Variants in DCLK1 observed in about 807,000 individuals in gnomAD.
DCLK1 encodes serine/threonine-protein kinase DCLK1.
Under a neutral mutation model 86.2 loss-of-function variants are expected in DCLK1, and 16 were observed. The observed-to-expected ratio is 0.19, with a 90% CI of 0.13 to 0.28. The LOEUF (loss-of-function observed/expected upper bound fraction) is 0.28, where lower values mean the gene tolerates loss of function less well. Among genes scored for constraint, DCLK1 ranks in the 10% least tolerant of loss-of-function variants. The probability of loss-of-function intolerance (pLI) is 1.00; values close to 1 mark genes in which losing one functional copy is unlikely to be tolerated. For missense variants in DCLK1, 590 were observed against 940.2 expected, an observed-to-expected ratio of 0.63 and a Z score of 4.87; for synonymous variants, 369 against 370.5, an observed-to-expected ratio of 1.00 and a Z score of 0.05.
At chr13:35,876,526 T>C (rs927691891) in intron 4 of DCLK1, among the ~76,000 whole-genome samples, 2 of 152,228 alleles carry the variant, frequency 1.3e-5, no homozygotes, top group African/African-American at 4.8e-5. Flanking sequence ...TAAATAGGAA[T>C]TGTATTTTAT....
intron 10 of DCLK1, among the ~76,000 whole-genome samples, chr13:35,823,355 G>GCACACACACA (rs34702154): frequency 0.013 from 1,995 of 147,840 alleles, 36 homozygotes; most frequent in African/African-American, 0.046. Context: ...TTATTAGGAT[G>GCACACACACA]CACACACACA....
Position 35,972,531 on chromosome 13 carries a change from C to A in DCLK1, c.724-25074G>T, listed in dbSNP as rs533721236. On this transcript the variant is annotated intron_variant, in intron 3 of 16. Coordinates refer to ENST00000360631, the MANE Select transcript of DCLK1 (RefSeq NM_001330071.2). The stretch of plus-strand genomic sequence containing the variant: ...GATGGGGAGTCTGATTACAAACATT[C>A]CTGAAAGCTCCGGAGGTATTCTGCA... Among the ~76,000 whole-genome samples the A allele has an allele frequency of 4.6e-5, 7 of 152,200 alleles. No homozygotes were observed. In the East Asian group the frequency reaches 1.4e-3, roughly 29 times the overall value.
intron 3 of DCLK1, among the ~76,000 whole-genome samples, chr13:36,084,548 G>T (rs1336514287): frequency 1.3e-5 from 2 of 152,124 alleles, no homozygotes; most frequent in Non-Finnish European, 2.9e-5. Context: ...AAAGGAGGGG[G>T]ACAAAAGCCC....
intron 3 of DCLK1, among the ~76,000 whole-genome samples, chr13:36,098,614 G>T (rs898821350): frequency 2.0e-5 from 3 of 152,168 alleles, no homozygotes; most frequent in African/African-American, 7.2e-5. Flanking sequence ...CCTCAAAATA[G>T]ATCCACATTT....
chr13:36,023,901 CTTT>C (rs59071937), intron 3 of DCLK1, among the ~76,000 whole-genome samples: 1 of 128,530 alleles, frequency 7.8e-6, no homozygotes, highest in African/African-American at 2.9e-5. Context: ...TTCTTTCTTT[CTTT>C]TTTTTTTTTT....
intron 3 of DCLK1, among the ~76,000 whole-genome samples, chr13:36,079,284 A>G (rs963750853): frequency 5.9e-5 from 9 of 152,208 alleles, no homozygotes; most frequent in African/African-American, 2.2e-4. Context: ...GTGCATGAGG[A>G]TATAGAAGCC....
intron 3 of DCLK1, among the ~76,000 whole-genome samples, chr13:36,066,881 T>A (rs1298517858): frequency 1.3e-5 from 2 of 150,834 alleles, no homozygotes; most frequent in Admixed American, 6.6e-5. Flanking sequence ...CCAGTTAGAA[T>A]GGCAATCATT....
Position 36,045,368 on chromosome 13 carries a change from A to C in DCLK1, c.723+66501T>G, listed in dbSNP as rs9575173. ...TATATATATATATATATATATATAT[A>C]TATATATATTTCAAGGTAAATTGCT... On this transcript the variant is annotated intron_variant, in intron 3 of 16. Coordinates refer to ENST00000360631, the MANE Select transcript of DCLK1 (RefSeq NM_001330071.2). 1.3e-3 allele frequency among the ~76,000 whole-genome samples: 121 copies of C among 94,916 alleles called. 3 individuals carry two copies. In the Middle Eastern group the frequency reaches 0.014, roughly 11 times the overall value. 62.3% of individuals were successfully genotyped at this position (94,916 alleles called of 152,430 possible).
At chr13:36,100,731 G>T (rs531905675) in intron 3 of DCLK1, among the ~76,000 whole-genome samples, 1 of 152,112 alleles carries the variant, frequency 6.6e-6, no homozygotes, top group African/African-American at 2.4e-5. Context: ...CCTGCCAGCT[G>T]CCAGCTGAAT....
intron 11 of DCLK1, among the ~76,000 whole-genome samples, chr13:35,814,031 G>T (rs1303377311): frequency 6.6e-6 from 1 of 152,066 alleles, no homozygotes; most frequent in Non-Finnish European, 1.5e-5. Flanking sequence ...GGATGGAGAA[G>T]AATATACTTC....
At chr13:35,866,599 T>C (rs2153113576) in intron 5 of DCLK1, among the ~76,000 whole-genome samples, 1 of 150,638 alleles carries the variant, frequency 6.6e-6, no homozygotes, top group Admixed American at 6.7e-5. Context: ...CAACCATCAT[T>C]CCAGGCTAAT....
In DCLK1 at chr13:36,044,010, G is replaced by T. The variant is rs535717460; in HGVS notation, c.723+67859C>A. 1.8e-4 allele frequency among the ~76,000 whole-genome samples: 28 copies of T among 152,272 alleles called. 1 individual carries two copies. Among genetic ancestry groups the T allele is most frequent in the Admixed American group, 6.5e-4 (10 of 15,290 alleles). On this transcript the variant is annotated intron_variant, in intron 3 of 16. Coordinates refer to ENST00000360631, the MANE Select transcript of DCLK1 (RefSeq NM_001330071.2). Reference sequence around the variant, plus strand: ...AAATCTGATCCCCCATGTTGGAGAGGGGCCTAGTGGGCGGTGTTTGGGTGA... The same window carrying T: ...AAATCTGATCCCCCATGTTGGAGAGTGGCCTAGTGGGCGGTGTTTGGGTGA...
At chr13:35,979,004 G>A (rs75606318) in intron 3 of DCLK1, among the ~76,000 whole-genome samples, 1,799 of 152,236 alleles carry the variant, frequency 0.012, 18 homozygotes, top group Non-Finnish European at 0.018. Flanking sequence ...CTGAAAACAC[G>A]ATCTTCCTTT....
At chr13:35,916,814 G>A (rs148586389) in intron 4 of DCLK1, among the ~76,000 whole-genome samples, 2 of 152,062 alleles carry the variant, frequency 1.3e-5, no homozygotes, top group Non-Finnish European at 2.9e-5. Flanking sequence ...TCCTAACTAC[G>A]GCACCTTGGA....
chr13:35,986,026 G>A (rs772908726), intron 3 of DCLK1, among the ~76,000 whole-genome samples: 4 of 152,058 alleles, frequency 2.6e-5, no homozygotes, highest in South Asian at 2.1e-4. Flanking sequence ...GATGAAGGTC[G>A]GGCACGGTGG....
intron 16 of DCLK1, among the ~76,000 whole-genome samples, chr13:35,780,515 A>G (rs966043542): frequency 1.3e-5 from 2 of 152,218 alleles, no homozygotes; most frequent in African/African-American, 4.8e-5. Flanking sequence ...GTAACCAAGG[A>G]TGCAGCTCTA....
intron 3 of DCLK1, among the ~76,000 whole-genome samples, chr13:36,012,256 T>C (rs1484770805): frequency 6.9e-6 from 1 of 145,946 alleles, no homozygotes; most frequent in East Asian, 2.0e-4. Context: ...ATGTGTGAAT[T>C]TGATCCTGTC....
chr13:35,958,259 T>TACTGTAACCATCACCACCATCACC (rs1566620970), intron 3 of DCLK1, among the ~76,000 whole-genome samples: 1 of 22,324 alleles, frequency 4.5e-5, no homozygotes, highest in East Asian at 1.3e-3. Context: ...CCACTACCAC[T>TACTGTAACCATCACCACCATCACC]ACTATAACCA....
chr13:35,825,044 G>A (rs1689166342), intron 10 of DCLK1, among the ~76,000 whole-genome samples: 1 of 152,190 alleles, frequency 6.6e-6, no homozygotes, highest in African/African-American at 2.4e-5. Flanking sequence ...CAGCCTGCGT[G>A]TGCACCGCCT....
Sources: allele counts gnomAD v4.1 joint callset (sites outside exome capture counted in the v4.1 genomes callset), GRCh38; gene constraint gnomAD v4.1.1; transcripts MANE v1.5; gene names NCBI Gene and HGNC (gene_info 2026-07-23, HGNC 2026-07-21).